Variants in FUT8 observed in about 807,000 individuals in gnomAD.
The protein encoded by FUT8 is fucosyltransferase 8.
Under a neutral mutation model 71.3 loss-of-function variants are expected in FUT8, and 29 were observed. The observed-to-expected ratio is 0.41, with a 90% CI of 0.30 to 0.55. FUT8 has a LOEUF of 0.55. FUT8 is among the 20% of genes least tolerant of loss of function. FUT8 has a pLI of 0.34. For missense variants in FUT8, 544 were observed against 702.1 expected (o/e 0.77, Z 2.55); for synonymous variants, 254 against 239.3 (o/e 1.06, Z -0.57).
rs1398992168 is a variant in FUT8, at chr14:65,550,695, G to A, written c.-227-10642G>A. On this transcript the variant is annotated intron_variant, in intron 2 of 10. Coordinates refer to ENST00000673929, the MANE Select transcript of FUT8 (RefSeq NM_001371533.1). The surrounding 1 kb of genome is among the most constrained non-coding windows in gnomAD (Gnocchi z 4.5). ...TCTTTTAAATCCTAGCACATATTTC[G>A]ATACTTGTTTCAGCGCTCTTGTCTG... 2.0e-5 allele frequency among the ~76,000 whole-genome samples: 3 copies of A among 151,720 alleles called. No homozygotes were observed. The highest frequency in any genetic ancestry group is 1.9e-4 in the East Asian group (1 of 5,184).
intron 1 of FUT8, among the ~76,000 whole-genome samples, chr14:65,441,812 ATTATAC>A (rs1283713684): frequency 7.1e-6 from 1 of 140,908 alleles, no homozygotes; most frequent in Non-Finnish European, 1.6e-5. Flanking sequence ...TTTTTTTTTA[ATTATAC>A]TTTAAGTTCT....
intron 2 of FUT8, among the ~76,000 whole-genome samples, chr14:65,507,137 A>G (rs1243148296): frequency 6.6e-6 from 1 of 152,252 alleles, no homozygotes; most frequent in Non-Finnish European, 1.5e-5. Context: ...CCCATGGCAC[A>G]TCAAAGGTTA....
At chr14:65,641,721 G>T (rs1890844388) in intron 6 of FUT8, among the ~76,000 whole-genome samples, 1 of 147,936 alleles carries the variant, frequency 6.8e-6, no homozygotes, top group Non-Finnish European at 1.5e-5. Flanking sequence ...TATGTGTAGG[G>T]GTATGTCATG....
the FUT8 span, among the ~76,000 whole-genome samples, chr14:65,366,460 C>T: frequency 1.1e-4 from 16 of 152,106 alleles, no homozygotes; most frequent in Admixed American, 2.6e-4. Context: ...TGTTTTTTGG[C>T]GGAGAAAAGA....
At chr14:65,552,348 A>G (rs1007399792) in intron 2 of FUT8, among the ~76,000 whole-genome samples, 2 of 152,086 alleles carry the variant, frequency 1.3e-5, no homozygotes, top group Non-Finnish European at 2.9e-5. Flanking sequence ...TGCATCCTCA[A>G]TGCCTGGGAT....
At chr14:65,590,738 T>G (rs1319299514) in intron 3 of FUT8, among the ~76,000 whole-genome samples, 1 of 152,138 alleles carries the variant, frequency 6.6e-6, no homozygotes, top group African/African-American at 2.4e-5. Flanking sequence ...TAAACGATTG[T>G]TTTTCTAGTC....
intron 1 of FUT8, among the ~76,000 whole-genome samples, chr14:65,416,795 G>T (rs2065226011): frequency 6.8e-6 from 1 of 147,186 alleles, no homozygotes; most frequent in Non-Finnish European, 1.5e-5. Flanking sequence ...TTTGAGATTG[G>T]GGTTGGGGGT....
chr14:65,629,637 GT>G (rs781363667), intron 6 of FUT8, 31 bp downstream of exon 6: 4 of 1,441,984 alleles, frequency 2.8e-6, no homozygotes, highest in South Asian at 2.3e-5. Flanking sequence ...ATAAATTTGA[GT>G]GAAAAAAAGA....
the FUT8 span, among the ~76,000 whole-genome samples, chr14:65,364,118 T>A: frequency 6.6e-6 from 1 of 152,204 alleles, no homozygotes; most frequent in African/African-American, 2.4e-5. Context: ...GTCTCCACAC[T>A]GACAAATGGC....
chr14:65,416,362 A>C (rs1178291248), intron 1 of FUT8, among the ~76,000 whole-genome samples: 1 of 149,782 alleles, frequency 6.7e-6, no homozygotes, highest in East Asian at 1.9e-4. Flanking sequence ...TGTTTTGTCC[A>C]GGTTGGCCTT....
chr14:65,481,549 G>A (rs2066330880), intron 2 of FUT8, among the ~76,000 whole-genome samples: 1 of 152,020 alleles, frequency 6.6e-6, no homozygotes, highest in Admixed American at 6.6e-5. Flanking sequence ...GTATACATCT[G>A]TGAATCCATA....
At chr14:65,447,673 T>C (rs146587358) in intron 1 of FUT8, among the ~76,000 whole-genome samples, 1 of 152,190 alleles carries the variant, frequency 6.6e-6, no homozygotes, top group African/African-American at 2.4e-5. Flanking sequence ...TCAATTGAAA[T>C]ACAAGCTGAA....
intron 1 of FUT8, among the ~76,000 whole-genome samples, chr14:65,439,954 G>GTATGTATATATATA (rs1555361000): frequency 1.3e-5 from 1 of 74,984 alleles, no homozygotes; most frequent in African/African-American, 5.1e-5. Context: ...GTGTGTGTGT[G>GTATGTATATATATA]TATATATATA....
chr14:65,642,320 C>G (rs928648918), intron 6 of FUT8, among the ~76,000 whole-genome samples: 2 of 152,096 alleles, frequency 1.3e-5, no homozygotes, highest in African/African-American at 2.4e-5. Context: ...AATCAATTGA[C>G]TGCTGGGCGC....
intron 2 of FUT8, among the ~76,000 whole-genome samples, chr14:65,530,640 C>G (rs1415122504): frequency 6.6e-6 from 1 of 151,890 alleles, no homozygotes; most frequent in Non-Finnish European, 1.5e-5. Flanking sequence ...CCTGCTTTGG[C>G]TGCTTTTCAT....
chr14:65,688,520 C>CAAAAAAA (rs34293733), intron 7 of FUT8, among the ~76,000 whole-genome samples: 11 of 55,116 alleles, frequency 2.0e-4, no homozygotes, highest in South Asian at 8.4e-4. Context: ...ATCCACATGC[C>CAAAAAAA]AAAAAAAAAA....
chr14:65,589,910 C>T (rs1360584911), intron 3 of FUT8, among the ~76,000 whole-genome samples: 2 of 152,178 alleles, frequency 1.3e-5, no homozygotes, highest in Non-Finnish European at 2.9e-5. Context: ...GGTAAACCAT[C>T]CAAAGAGTAC....
At position 65,487,287 on chromosome 14, in the gene FUT8, G is replaced by A. The variant is rs185335294; in HGVS notation, c.-228+31569G>A. Among the ~76,000 whole-genome samples, 306 of 152,212 alleles carry A rather than the reference G, an allele frequency of 2.0e-3. 2 individuals are homozygous for A. The Middle Eastern group carries it at 0.048, about 24-fold the overall frequency. On this transcript the variant is annotated intron_variant, in intron 2 of 10. Transcript: ENST00000673929. Reference sequence around the variant, plus strand: ...AATTTTATTAAGAATGTTGGGGCTGGGCATGGTGGCTCACGCCTGTAATCC... The same window carrying A: ...AATTTTATTAAGAATGTTGGGGCTGAGCATGGTGGCTCACGCCTGTAATCC...
At chr14:65,623,024 G>C (rs1159508913) in intron 5 of FUT8, among the ~76,000 whole-genome samples, 1 of 151,284 alleles carries the variant, frequency 6.6e-6, no homozygotes, top group African/African-American at 2.4e-5. Flanking sequence ...CCGAGTAGCT[G>C]GGACTATAGG....
Sources: gnomAD v4.1 joint callset for allele counts (sites outside exome capture counted in the v4.1 genomes callset) on GRCh38, gnomAD v4.1.1 for gene constraint, Gnocchi (gnomAD v3.1) non-coding constraint, MANE v1.5 for transcripts, NCBI Gene and HGNC (gene_info 2026-07-23, HGNC 2026-07-21) for gene names.